Variants in WDR36 observed in about 807,000 individuals in gnomAD.
WDR36 encodes WD repeat domain 36.
WDR36 carries 63 observed loss-of-function variants against 112.7 expected under a neutral mutation model. That is an observed-to-expected ratio of 0.56 (90% CI 0.46 to 0.69). The LOEUF is 0.69. Ranked by LOEUF, WDR36 falls within the 30% of genes least tolerant of loss-of-function variation. The probability of loss-of-function intolerance (pLI) is 0.00; values close to 1 mark genes in which losing one functional copy is unlikely to be tolerated. For synonymous variants in WDR36, 410 were observed against 362.2 expected, an observed-to-expected ratio of 1.13 and a Z score of -1.50; for missense variants, 1,226 against 1,070.3, an observed-to-expected ratio of 1.15 and a Z score of -2.03.
chr5:111,114,999 C>T (rs1320717798), intron 16 of WDR36, among the ~76,000 whole-genome samples: 3 of 151,862 alleles, frequency 2.0e-5, no homozygotes, highest in Admixed American at 2.0e-4. Flanking sequence ...TTTGACTCAG[C>T]ATTAGCCTTT....
chr5:111,093,902 A>G (rs906871046), intron 1 of WDR36, among the ~76,000 whole-genome samples: 3 of 152,202 alleles, frequency 2.0e-5, no homozygotes, highest in African/African-American at 7.2e-5. Flanking sequence ...GTTCTCCTCT[A>G]GTTCTAACAC....
chr5:111,097,106 G>A lies in WDR36; in HGVS notation c.218G>A (p.Cys73Tyr), dbSNP rs376286901. The A allele has an allele frequency of 2.4e-5, 38 of 1,613,478 alleles. No individual in the cohort carries two copies. The highest frequency in any genetic ancestry group is 3.1e-5 in the Non-Finnish European group (37 of 1,179,714). ...VSNSVPQDIC[C>Y]MAADGRLVFA... is the part of the protein sequence containing the mutation. ...AATTCTGTTCCACAGGATATCTGCT[G>A]TATGGCAGCTGATGGCAGATTAGTC... The change falls in exon 3 of 23, where the codon TGT (cysteine) becomes TAT (tyrosine). Residue 73 changes from cysteine (C) to tyrosine (Y), a missense_variant. Transcript: ENST00000513710.
chr5:111,101,238 TAGAC>T (rs1753115093), intron 5 of WDR36, among the ~76,000 whole-genome samples: 1 of 152,028 alleles, frequency 6.6e-6, no homozygotes, highest in South Asian at 2.1e-4. Flanking sequence ...TGACACATGT[TAGAC>T]AGCTTCATAA....
In WDR36 at chr5:111,102,395, A is replaced by T. The variant is rs767734518; in HGVS notation, c.593A>T (p.Gln198Leu). ...PGWKVGVTAL[Q>L]QAPAVDVVAI... The stretch of plus-strand genomic sequence containing the variant: ...TGGAAAGTTGGAGTGACAGCTCTTC[A>T]GCAGGTTAGTATTTTTCTGTTAAGT... Residue 198 changes from glutamine (Q) to leucine (L), a missense_variant, in exon 6 of 23, where the codon CAG (glutamine) becomes CTG (leucine). Gln to Leu is a moderately radical substitution (Grantham distance 113). Transcript: ENST00000513710. 1.1e-5 allele frequency: 18 copies of T among 1,610,378 alleles called. No individual in the cohort carries two copies. Among genetic ancestry groups the T allele is most frequent in the Non-Finnish European group, 8.5e-7 (1 of 1,177,604 alleles).
chr5:111,099,451 G>GTTTTTTTTTTTTTTT (rs796092518), intron 4 of WDR36, among the ~76,000 whole-genome samples: 1 of 55,632 alleles, frequency 1.8e-5, no homozygotes, highest in Non-Finnish European at 4.0e-5. Flanking sequence ...GTTTTTTTTT[G>GTTTTTTTTTTTTTTT]TTTTTTTTTT....
At chr5:111,099,367 A>C (rs1348867199) in intron 4 of WDR36, among the ~76,000 whole-genome samples, 2 of 151,584 alleles carry the variant, frequency 1.3e-5, no homozygotes, top group Non-Finnish European at 2.9e-5. Context: ...CCTCAATAAA[A>C]TACTGGGTTC....
chr5:111,093,093 T>A (rs1182766412), intron 1 of WDR36, among the ~76,000 whole-genome samples: 1 of 152,260 alleles, frequency 6.6e-6, no homozygotes, highest in African/African-American at 2.4e-5. Context: ...TAGCAATCAG[T>A]TATTTTCAAC....
intron 12 of WDR36, among the ~76,000 whole-genome samples, chr5:111,109,801 G>C (rs1307041870): frequency 1.3e-5 from 2 of 151,252 alleles, no homozygotes; most frequent in East Asian, 1.9e-4. Flanking sequence ...TTTTATGTCA[G>C]CTGTGGAAGC....
Position 111,128,310 on chromosome 5 carries a change from T to C in WDR36, c.*1427T>C, listed in dbSNP as rs1043828. ...CATTTACCAGTGATATCTTTTAATA[T>C]TCATGTTTTTATTTAATGATGTAAG... On this transcript the variant is annotated 3_prime_UTR_variant, in exon 23 of 23. Coordinates refer to ENST00000513710, the MANE Select transcript of WDR36 (RefSeq NM_139281.3). 0.27 allele frequency: 49,184 copies of C among 185,036 alleles called. 7,751 individuals carry two copies. The highest frequency in any genetic ancestry group is 0.35 in the Non-Finnish European group (30,719 of 87,260). The allele number at this position is 185,036 out of a possible 1,614,324, so 11.5% of individuals were successfully genotyped here.
intron 22 of WDR36, 136 bp downstream of exon 22, chr5:111,125,931 T>C (rs1283834171): frequency 2.5e-6 from 2 of 793,682 alleles, no homozygotes; most frequent in Middle Eastern, 3.5e-4. Context: ...CATGTAGCTA[T>C]TGAGTTCTTG....
rs1753692434 is a variant in WDR36, at chr5:111,127,182, A to T, written c.*299A>T. On this transcript the variant is annotated 3_prime_UTR_variant, in exon 23 of 23. Coordinates refer to ENST00000513710, the MANE Select transcript of WDR36 (RefSeq NM_139281.3). ...CAAGCAAGATCCCATCTCTACAAAA[A>T]GTTAAAAAAATAAATTACACCTGCC... 7.6e-6 allele frequency: 2 copies of T among 263,090 alleles called. No homozygotes were observed. The highest frequency in any genetic ancestry group is 4.3e-5 in the African/African-American group (2 of 46,018). The allele number at this position is 263,090 out of a possible 1,614,324, so 16.3% of individuals were successfully genotyped here.
chr5:111,113,035 A>AATATATATATAT (rs376288151), intron 15 of WDR36, 39 bp from the exon 16 acceptor site: 3 of 352,684 alleles, frequency 8.5e-6, no homozygotes, highest in Admixed American at 6.3e-5. Context: ...ATATATAAAT[A>AATATATATATAT]ATATATATAT....
At position 111,106,043 on chromosome 5, in the gene WDR36, TC is replaced by T; in HGVS notation, c.1094-9del. On this transcript the variant is annotated splice_polypyrimidine_tract_variant and intron_variant, in intron 10 of 22. Coordinates refer to ENST00000513710, the MANE Select transcript of WDR36 (RefSeq NM_139281.3). ...ATTCATAGCTATGTATGTTCCCCTT[TC>T]CCCCATCCTTAGGATTAATAAATAA... 1 of 1,591,896 alleles carries T rather than the reference TC, an allele frequency of 6.3e-7. No homozygotes were observed. The highest frequency in any genetic ancestry group is 8.6e-7 in the Non-Finnish European group (1 of 1,160,922).
chr5:111,100,591 G>C lies in WDR36; in HGVS notation c.412G>C (p.Glu138Gln). ...LIIWHIYSEE[E>Q]YLQLTFDKSV... Reference sequence around the variant, plus strand: ...ATTTATAACTTTCACTTTTGTAGAAGAATACCTGCAGTTGACTTTTGATAA... The same window carrying C: ...ATTTATAACTTTCACTTTTGTAGAACAATACCTGCAGTTGACTTTTGATAA... Residue 138 changes from glutamate (E) to glutamine (Q), a missense_variant and splice_region_variant, in exon 5 of 23, where the codon GAA (glutamate) becomes CAA (glutamine). Coordinates refer to ENST00000513710, the MANE Select transcript of WDR36 (RefSeq NM_139281.3). 2 of 1,553,516 alleles carry C rather than the reference G, an allele frequency of 1.3e-6. No homozygotes were observed. Among genetic ancestry groups the C allele is most frequent in the East Asian group, 4.7e-5 (2 of 42,818 alleles).
chr5:111,130,049 G>T lies in WDR36; in HGVS notation c.*3166G>T, dbSNP rs1753760466. The T allele has an allele frequency of 4.7e-6, 1 of 211,882 alleles. No individual in the cohort carries two copies. The highest frequency in any genetic ancestry group is 5.9e-5 in the Admixed American group (1 of 17,028). The allele number at this position is 211,882 out of a possible 1,614,324, so 13.1% of individuals were successfully genotyped here. On this transcript the variant is annotated 3_prime_UTR_variant, in exon 23 of 23. Coordinates refer to ENST00000513710, the MANE Select transcript of WDR36 (RefSeq NM_139281.3). ...TTACTTTGGTATGTTCTCAGATTTG[G>T]GTAAAGCCTTCCTCATGTTCTATAA...
At chr5:111,120,445 A>G in intron 17 of WDR36, 51 bp from the exon 18 acceptor site, 1 of 1,433,800 alleles carries the variant, frequency 7.0e-7, no homozygotes, top group African/African-American at 1.4e-5. Context: ...TGTTTCTCTG[A>G]AAGAAACTTT....
intron 16 of WDR36, among the ~76,000 whole-genome samples, chr5:111,116,713 G>A (rs1208075225): frequency 6.6e-6 from 1 of 152,182 alleles, no homozygotes; most frequent in African/African-American, 2.4e-5. Flanking sequence ...TGTAGAATAT[G>A]CTGTGTATGT....
Position 111,100,623 on chromosome 5 carries a change from A to G in WDR36, c.444A>G (p.Val148=). 4 of 1,598,350 alleles carry G rather than the reference A, an allele frequency of 2.5e-6. No homozygotes were observed. The highest frequency in any genetic ancestry group is 2.6e-6 in the Non-Finnish European group (3 of 1,169,848). ...EYLQLTFDKS[V]FKISAILHPS... ...TGCAGTTGACTTTTGATAAATCAGTATTTAAAATTTCTGCAATTTTGCATC... is the reference window on the plus strand; with the variant it reads ...TGCAGTTGACTTTTGATAAATCAGTGTTTAAAATTTCTGCAATTTTGCATC... Residue 148 remains valine (V), a synonymous_variant, in exon 5 of 23, where the codon GTA becomes GTG. Coordinates refer to ENST00000513710, the MANE Select transcript of WDR36 (RefSeq NM_139281.3).
intron 15 of WDR36, among the ~76,000 whole-genome samples, chr5:111,112,742 A>G (rs1038603861): frequency 2.0e-5 from 3 of 151,908 alleles, no homozygotes; most frequent in African/African-American, 7.2e-5. Flanking sequence ...CTTATCACAC[A>G]CATAAACATT....
Sources: gnomAD v4.1 joint callset for allele counts (sites outside exome capture counted in the v4.1 genomes callset) on GRCh38, gnomAD v4.1.1 for gene constraint, MANE v1.5 for transcripts, NCBI Gene and HGNC (gene_info 2026-07-23, HGNC 2026-07-21) for gene names.